Variants in BPIFB3 observed in about 807,000 individuals in gnomAD.
The protein encoded by BPIFB3 is BPI fold containing family B member 3, also known as BPI fold-containing family B member 3.
BPIFB3 carries 49 observed loss-of-function variants against 53.1 expected under a neutral mutation model. That is an observed-to-expected ratio of 0.92 (90% CI 0.73 to 1.17). BPIFB3 has a LOEUF of 1.17. Ranked by LOEUF, BPIFB3 falls within the 50% of genes most tolerant of loss-of-function variation. BPIFB3 has a pLI of 0.00. For missense variants in BPIFB3, 628 were observed against 592.5 expected (o/e 1.06, Z -0.62); for synonymous variants, 271 against 269.6 (o/e 1.01, Z -0.05).
At chr20:33,062,741 C>T (rs757495424) in intron 5 of BPIFB3, among the ~76,000 whole-genome samples, 12 of 152,218 alleles carry the variant, frequency 7.9e-5, no homozygotes, top group Non-Finnish European at 1.3e-4. Flanking sequence ...AATCAGCCAT[C>T]CTGGCTGCCT....
intron 3 of BPIFB3, 35 bp downstream of exon 4, chr20:33,059,517 T>C: frequency 6.7e-7 from 1 of 1,492,860 alleles, no homozygotes; most frequent in South Asian, 1.2e-5. Flanking sequence ...CCCTCCTGCT[T>C]CCTATCCCAC....
intron 3 of BPIFB3, 133 bp downstream of exon 4, chr20:33,059,615 C>T (rs1980360226): frequency 1.3e-6 from 1 of 747,816 alleles, no homozygotes; most frequent in Admixed American, 2.3e-5. Flanking sequence ...ATTTCCTCCC[C>T]AAGGGACTCC....
At chr20:33,064,118 TA>T (rs1398528515) in intron 6 of BPIFB3, among the ~76,000 whole-genome samples, 1 of 152,122 alleles carries the variant, frequency 6.6e-6, no homozygotes, top group Non-Finnish European at 1.5e-5. Flanking sequence ...TGGGAAAATA[TA>T]AAAAGGCACA....
At chr20:33,068,905 C>G in exon 10 of BPIFB3, 1 of 1,614,078 alleles carries the variant, frequency 6.2e-7, no homozygotes, top group South Asian at 1.1e-5. Flanking sequence ...GGTCTCCCTC[C>G]CAGCCAACAT....
intron 6 of BPIFB3, among the ~76,000 whole-genome samples, chr20:33,064,090 G>A (rs909009208): frequency 1.3e-5 from 2 of 152,232 alleles, no homozygotes; most frequent in Non-Finnish European, 2.9e-5. Context: ...AGTGCCTTCT[G>A]TGTTCACAAA....
chr20:33,055,023 C>T (rs1156674781), upstream of BPIFB3, among the ~76,000 whole-genome samples: 1 of 152,250 alleles, frequency 6.6e-6, no homozygotes, highest in Non-Finnish European at 1.5e-5. Flanking sequence ...CTGTCTGCAG[C>T]TGTCACTCCA....
rs368817223 is a variant in BPIFB3, at chr20:33,060,079, C to T, written c.527+48C>T. 5 of 1,593,292 alleles carry T rather than the reference C, an allele frequency of 3.1e-6. No individual in the cohort carries two copies. The African/African-American group carries it at 6.7e-5, about 21-fold the overall frequency. ...GCAACCCTGACCCGCTCAGGATCAT[C>T]TCGCACCCATCTGGGCATCTCCCAG... On this transcript the variant is annotated intron_variant, in intron 4 of 14. Coordinates refer to ENST00000375494, the Ensembl canonical transcript of BPIFB3.
chr20:33,059,976 A>T, exon 4 of BPIFB3: 1 of 1,614,146 alleles, frequency 6.2e-7, no homozygotes, highest in South Asian at 1.1e-5. Flanking sequence ...GGGCACACCC[A>T]TCCTTATCCT....
chr20:33,071,131 G>A (rs1980866426), intron 11 of BPIFB3, 122 bp from the exon 13 acceptor site: 15 of 1,050,262 alleles, frequency 1.4e-5, no homozygotes, highest in Non-Finnish European at 2.1e-5. Context: ...GCTGGATAGA[G>A]GCAGAGTGTT....
At chr20:33,062,346 G>C (rs1451201968) in intron 5 of BPIFB3, among the ~76,000 whole-genome samples, 2 of 152,300 alleles carry the variant, frequency 1.3e-5, no homozygotes, top group Admixed American at 6.5e-5. Flanking sequence ...CCGAGGAAGA[G>C]GGGAGGGCCA....
intron 11 of BPIFB3, 62 bp from the exon 13 acceptor site, chr20:33,071,191 G>C (rs985743588): frequency 2.7e-6 from 4 of 1,485,534 alleles, no homozygotes; most frequent in Non-Finnish European, 3.7e-6. Context: ...GGGGCAGGCT[G>C]GGGGTGGGAC....
rs1316500255 is a variant in BPIFB3, at chr20:33,073,457, T to C, written c.1402-119T>C. ...TTTCATCATTCATTTATTCATTTAA[T>C]GAGTGCCTGCTGTGTTCCAGGTACA... On this transcript the variant is annotated intron_variant, in intron 14 of 14. Transcript: ENST00000375494. 3.1e-5 allele frequency: 29 copies of C among 948,274 alleles called. No individual in the cohort carries two copies. In the East Asian group the frequency reaches 6.8e-4, roughly 22 times the overall value. The allele number at this position is 948,274 out of a possible 1,614,324, so 58.7% of individuals were successfully genotyped here.
chr20:33,056,659 G>A (rs1246216347), exon 2 of BPIFB3: 1 of 1,611,260 alleles, frequency 6.2e-7, no homozygotes, highest in Non-Finnish European at 8.5e-7. Flanking sequence ...GGCTTGCTGG[G>A]CCACGGAGGG....
chr20:33,066,544 T>C (rs989768925), intron 8 of BPIFB3, among the ~76,000 whole-genome samples: 10 of 152,294 alleles, frequency 6.6e-5, no homozygotes, highest in African/African-American at 2.4e-4. Context: ...ACAGCCTCAG[T>C]GTCTCCATCT....
intron 5 of BPIFB3, among the ~76,000 whole-genome samples, chr20:33,062,609 G>C (rs915710792): frequency 6.6e-6 from 1 of 152,194 alleles, no homozygotes; most frequent in Non-Finnish European, 1.5e-5. Context: ...TTAGTCTCTG[G>C]GGCAATTGGC....
chr20:33,055,268 G>A (rs1270066958), upstream of BPIFB3, among the ~76,000 whole-genome samples: 1 of 152,228 alleles, frequency 6.6e-6, no homozygotes, highest in African/African-American at 2.4e-5. Context: ...TGTTAGCTCT[G>A]CTTACATTTG....
exon 11 of BPIFB3, chr20:33,069,895 C>A (rs760741067): frequency 3.1e-6 from 5 of 1,614,234 alleles, no homozygotes; most frequent in Non-Finnish European, 4.2e-6. Context: ...CAGGTCATGA[C>A]TGTGCGTGCC....
chr20:33,057,069 T>G (rs1164067603), intron 2 of BPIFB3, among the ~76,000 whole-genome samples: 3 of 152,236 alleles, frequency 2.0e-5, no homozygotes, highest in Non-Finnish European at 4.4e-5. Flanking sequence ...TTTTACAGGT[T>G]TATTTTATGT....
rs989319740 is a variant in BPIFB3 at position 33,056,677 on chromosome 20, G to A, written c.260G>A (p.Gly87Asp). The change falls in exon 2 of 15, where the codon GGC becomes GAC. Residue 87 changes from glycine (G) to aspartate (D), a missense_variant. Physicochemically the swap from Gly to Asp is moderately conservative, Grantham distance 94. Coordinates refer to ENST00000375494, the Ensembl canonical transcript of BPIFB3. ...TTGCTGGGCCACGGAGGGGTTTTTG[G>A]CGTTGTCGAGGAGCTCTCTGGGTGA... is the stretch of plus-strand genomic sequence containing the variant. The A allele has an allele frequency of 3.1e-6, 5 of 1,605,736 alleles. No individual in the cohort carries two copies. In the African/African-American group the frequency reaches 5.4e-5, roughly 17 times the overall value.
Sources: gnomAD v4.1 joint callset for allele counts (sites outside exome capture counted in the v4.1 genomes callset) on GRCh38, gnomAD v4.1.1 for gene constraint, MANE v1.5 for transcripts, NCBI Gene and HGNC (gene_info 2026-07-23, HGNC 2026-07-21) for gene names.